TENM2: variants seen among roughly 807,000 people sequenced by gnomAD.
TENM2 encodes the protein teneurin-2.
A neutral mutation model predicts 245.2 loss-of-function variants in TENM2; 52 were observed. The observed-to-expected ratio is 0.21, with a 90% CI of 0.17 to 0.27. The LOEUF is 0.27. Among genes scored for constraint, TENM2 ranks in the 10% least tolerant of loss-of-function variants. The pLI, the probability that TENM2 is intolerant of heterozygous loss-of-function variation, is 1.00. For missense variants in TENM2, 3,046 were observed against 3,666.8 expected (o/e 0.83, Z 4.37); for synonymous variants, 1,363 against 1,438.9 (o/e 0.95, Z 1.19).
At chr5:168,193,111 G>A (rs1420465719) in intron 14 of TENM2, among the ~76,000 whole-genome samples, 1 of 152,218 alleles carries the variant, frequency 6.6e-6, no homozygotes, top group Non-Finnish European at 1.5e-5. Context: ...TTTAGAGAAA[G>A]CGTCTCGGAA....
chr5:167,401,430 G>T (rs550889668), intron 2 of TENM2, among the ~76,000 whole-genome samples: 79 of 152,108 alleles, frequency 5.2e-4, no homozygotes, highest in Non-Finnish European at 9.7e-4. Context: ...AGAATCATGA[G>T]CAGCCAGTAA....
chr5:167,107,308 AAG>A, the TENM2 span, among the ~76,000 whole-genome samples: 9 of 151,170 alleles, frequency 6.0e-5, no homozygotes, highest in Admixed American at 3.9e-4. Flanking sequence ...AAGAAAAAGA[AAG>A]AGAGAAAGAA....
the TENM2 span, among the ~76,000 whole-genome samples, chr5:167,089,039 T>C: frequency 6.6e-6 from 1 of 152,206 alleles, no homozygotes; most frequent in South Asian, 2.1e-4. Flanking sequence ...CCATAATAAT[T>C]GTATCTCATG....
chr5:167,456,155 A>G (rs1185898138), intron 2 of TENM2, among the ~76,000 whole-genome samples: 1 of 152,192 alleles, frequency 6.6e-6, no homozygotes, highest in African/African-American at 2.4e-5. Flanking sequence ...AAAAAATCTC[A>G]AAACTGGCAG....
chr5:166,991,308 A>G, the TENM2 span, among the ~76,000 whole-genome samples: 1 of 151,988 alleles, frequency 6.6e-6, no homozygotes, highest in Non-Finnish European at 1.5e-5. Flanking sequence ...TTTGTCATGA[A>G]TAGAGAATAA....
At chr5:167,440,115 T>A (rs890841621) in intron 2 of TENM2, among the ~76,000 whole-genome samples, 3 of 152,222 alleles carry the variant, frequency 2.0e-5, no homozygotes, top group African/African-American at 7.2e-5. Context: ...TATCCAGCCC[T>A]TTATATGTTA....
intron 2 of TENM2, among the ~76,000 whole-genome samples, chr5:167,706,721 A>G (rs1758549685): frequency 6.6e-6 from 1 of 152,032 alleles, no homozygotes. Context: ...CAATAGTGTT[A>G]AAGGGTTGCC....
intron 3 of TENM2, among the ~76,000 whole-genome samples, chr5:167,876,732 G>A (rs938157424): frequency 3.3e-5 from 5 of 152,112 alleles, no homozygotes; most frequent in African/African-American, 1.2e-4. Context: ...TGAAGTGTTT[G>A]GGGGGTGACC....
At chr5:167,962,835 C>A (rs1375708220) in intron 4 of TENM2, among the ~76,000 whole-genome samples, 1 of 152,154 alleles carries the variant, frequency 6.6e-6, no homozygotes, top group East Asian at 1.9e-4. Context: ...CTGGGTCCCT[C>A]CCATGACACA....
Position 168,218,489 on chromosome 5 carries a change from G to A in TENM2, c.4598G>A (p.Gly1533Glu), listed in dbSNP as rs1269963359. Residue 1533 changes from glycine to glutamate, a missense_variant, in exon 23 of 29, where the codon GGA becomes GAA. Gly to Glu is a moderately conservative substitution (Grantham distance 98). Transcript: ENST00000518659. The surrounding 1 kb of genome is among the most constrained non-coding windows in gnomAD (Gnocchi z 5.2). ...GATGTCAATTGCAACTGCTATTCAG[G>A]AGATGATGCCTACGCGACTGATGCC... The A allele has an allele frequency of 1.9e-6, 3 of 1,614,048 alleles. No individual in the cohort carries two copies. Among genetic ancestry groups the A allele is most frequent in the African/African-American group, 1.3e-5 (1 of 75,050 alleles).
chr5:168,219,090 T>G, intron 23 of TENM2, 91 bp downstream of exon 25: 2 of 1,292,648 alleles, frequency 1.5e-6, no homozygotes, highest in Non-Finnish European at 2.1e-6. Context: ...TTTAAATTGC[T>G]TTGTCACGTT....
chr5:167,092,861 A>G, the TENM2 span, among the ~76,000 whole-genome samples: 1 of 152,224 alleles, frequency 6.6e-6, no homozygotes, highest in African/African-American at 2.4e-5. Context: ...TAAGAGATAC[A>G]AATATCTTCT....
At chr5:167,154,875 A>T in the TENM2 span, among the ~76,000 whole-genome samples, 1 of 152,234 alleles carries the variant, frequency 6.6e-6, no homozygotes, top group Non-Finnish European at 1.5e-5. Context: ...GGGCACATAG[A>T]AAGTACTCAA....
At chr5:168,254,756 G>C (rs1369840343) in intron 27 of TENM2, among the ~76,000 whole-genome samples, 1 of 152,088 alleles carries the variant, frequency 6.6e-6, no homozygotes, top group Non-Finnish European at 1.5e-5. Flanking sequence ...CTAAAGACAA[G>C]GCCTTCTCAG....
At chr5:167,327,842 A>G (rs1275245482) in intron 1 of TENM2, among the ~76,000 whole-genome samples, 2 of 152,218 alleles carry the variant, frequency 1.3e-5, no homozygotes, top group Non-Finnish European at 2.9e-5. Flanking sequence ...TATGTAAGCC[A>G]TTGTGGGGCT....
the TENM2 span, among the ~76,000 whole-genome samples, chr5:167,016,197 T>C: frequency 6.9e-6 from 1 of 145,400 alleles, no homozygotes; most frequent in East Asian, 2.0e-4. Flanking sequence ...GAGCTTGCAG[T>C]GAGCCGAGAT....
At chr5:167,894,286 A>G (rs1774998163) in intron 3 of TENM2, among the ~76,000 whole-genome samples, 1 of 152,204 alleles carries the variant, frequency 6.6e-6, no homozygotes, top group Non-Finnish European at 1.5e-5. Flanking sequence ...GATACAGAGT[A>G]TAGGGCAAGG....
chr5:167,044,080 G>GGAAGGAAGGAAGGAAGGAAA, the TENM2 span, among the ~76,000 whole-genome samples: 3 of 150,736 alleles, frequency 2.0e-5, no homozygotes, highest in African/African-American at 4.9e-5. Flanking sequence ...AAGGAAGGAA[G>GGAAGGAAGGAAGGAAGGAAA]GAAAGACTGT....
chr5:167,157,328 G>A, the TENM2 span, among the ~76,000 whole-genome samples: 9 of 152,190 alleles, frequency 5.9e-5, no homozygotes, highest in Non-Finnish European at 1.2e-4. Flanking sequence ...AGTGTTTATT[G>A]ATAAGCCCCT....
Sources: allele counts gnomAD v4.1 joint callset (sites outside exome capture counted in the v4.1 genomes callset), GRCh38; gene constraint gnomAD v4.1.1; non-coding constraint Gnocchi (gnomAD v3.1); transcripts MANE v1.5; gene names NCBI Gene and HGNC (gene_info 2026-07-23, HGNC 2026-07-21).